Variants in PLSCR2 observed in about 807,000 individuals in gnomAD.
The protein encoded by PLSCR2 is phospholipid scramblase 2.
PLSCR2 carries 18 observed loss-of-function variants against 25.3 expected under a neutral mutation model. The observed-to-expected ratio is 0.71, with a 90% CI of 0.49 to 1.06. The LOEUF (loss-of-function observed/expected upper bound fraction) is 1.06, where lower values mean the gene tolerates loss of function less well. Ranked by LOEUF, PLSCR2 falls within the 50% of genes least tolerant of loss-of-function variation. PLSCR2 has a pLI of 0.00. For synonymous variants in PLSCR2, 88 were observed against 87.3 expected, an observed-to-expected ratio of 1.01 and a Z score of -0.04; for missense variants, 243 against 269.5, an observed-to-expected ratio of 0.90 and a Z score of 0.69.
intron 2 of PLSCR2, among the ~76,000 whole-genome samples, chr3:146,414,780 A>G (rs1190217058): frequency 6.6e-6 from 1 of 152,174 alleles, no homozygotes; most frequent in African/African-American, 2.4e-5. Flanking sequence ...CTATTAACAA[A>G]ATTTCTGAAG....
intron 1 of PLSCR2, among the ~76,000 whole-genome samples, chr3:146,476,587 C>G (rs1291304081): frequency 1.3e-5 from 2 of 152,202 alleles, no homozygotes. Flanking sequence ...GACAGCAGCC[C>G]TCACTGCAGC....
At chr3:146,416,067 C>T (rs2038997926) in intron 2 of PLSCR2, among the ~76,000 whole-genome samples, 1 of 152,144 alleles carries the variant, frequency 6.6e-6, no homozygotes, top group Admixed American at 6.5e-5. Flanking sequence ...TCTCCTGCCT[C>T]AGCCTCTTGA....
At chr3:146,431,509 C>T (rs2039544959), downstream of PLSCR2, among the ~76,000 whole-genome samples, 1 of 152,126 alleles carries the variant, frequency 6.6e-6, no homozygotes, top group Non-Finnish European at 1.5e-5. Flanking sequence ...TTCAGGATTA[C>T]ATTGAGTTGG....
At chr3:146,437,430 A>C (rs1010753971), downstream of PLSCR2, among the ~76,000 whole-genome samples, 11 of 152,138 alleles carry the variant, frequency 7.2e-5, no homozygotes, top group Non-Finnish European at 1.2e-4. Flanking sequence ...TAGGCTATTA[A>C]TTATTGCTTC....
downstream of PLSCR2, among the ~76,000 whole-genome samples, chr3:146,432,552 G>A (rs954249699): frequency 6.6e-6 from 1 of 152,124 alleles, no homozygotes; most frequent in African/African-American, 2.4e-5. Context: ...CATGCTGAAG[G>A]AAAAAATTCC....
chr3:146,441,123 T>A (rs191626740), downstream of PLSCR2, among the ~76,000 whole-genome samples: 10 of 152,250 alleles, frequency 6.6e-5, no homozygotes, highest in Admixed American at 5.9e-4. Context: ...ACGAAAACCT[T>A]ATTTATAGTA....
At chr3:146,436,123 T>C (rs1438594657) in intron 8 of PLSCR2, among the ~76,000 whole-genome samples, 1 of 152,184 alleles carries the variant, frequency 6.6e-6, no homozygotes, top group African/African-American at 2.4e-5. Context: ...TTCTGTTCCA[T>C]TGGTCTATAT....
intron 2 of PLSCR2, among the ~76,000 whole-genome samples, chr3:146,414,218 T>A (rs1451520972): frequency 9.2e-5 from 14 of 152,182 alleles, no homozygotes; most frequent in Admixed American, 9.2e-4. Flanking sequence ...CCTAATCACC[T>A]CTTAAAGGTC....
At chr3:146,439,168 T>A (rs1235663086), downstream of PLSCR2, among the ~76,000 whole-genome samples, 1 of 152,200 alleles carries the variant, frequency 6.6e-6, no homozygotes, top group African/African-American at 2.4e-5. Flanking sequence ...GGGCTTCCCT[T>A]TGTGGGTAAC....
chr3:146,477,801 G>A (rs966650655), intron 1 of PLSCR2, among the ~76,000 whole-genome samples: 11 of 152,168 alleles, frequency 7.2e-5, no homozygotes, highest in Non-Finnish European at 1.3e-4. Flanking sequence ...TCTGACCCTC[G>A]TGTAGCCTAA....
intron 2 of PLSCR2, among the ~76,000 whole-genome samples, chr3:146,407,747 A>AT (rs2038701652): frequency 6.6e-6 from 1 of 152,028 alleles, no homozygotes; most frequent in African/African-American, 2.4e-5. Flanking sequence ...AGGGTGATCA[A>AT]TTCAGCTTTT....
intron 1 of PLSCR2, among the ~76,000 whole-genome samples, chr3:146,468,559 C>T (rs373405998): frequency 1.3e-5 from 2 of 152,356 alleles, no homozygotes; most frequent in South Asian, 2.1e-4. Context: ...CTAACTTTCA[C>T]TGAGTACTTT....
chr3:146,425,200 C>T (rs2039299490), intron 2 of PLSCR2, among the ~76,000 whole-genome samples: 1 of 151,990 alleles, frequency 6.6e-6, no homozygotes, highest in African/African-American at 2.4e-5. Context: ...CAAGGGATCC[C>T]CTGAAATGAA....
At chr3:146,441,221 A>G (rs2040224569), downstream of PLSCR2, among the ~76,000 whole-genome samples, 1 of 152,066 alleles carries the variant, frequency 6.6e-6, no homozygotes. Flanking sequence ...GCTAGACTCC[A>G]TCTCAAAAAC....
At chr3:146,402,285 T>C (rs2038499563) in intron 2 of PLSCR2, among the ~76,000 whole-genome samples, 1 of 152,042 alleles carries the variant, frequency 6.6e-6, no homozygotes, top group Admixed American at 6.6e-5. Flanking sequence ...ATATGAAAAA[T>C]CATGTGGACA....
chr3:146,414,960 A>G (rs766831477), intron 2 of PLSCR2, among the ~76,000 whole-genome samples: 1 of 152,188 alleles, frequency 6.6e-6, no homozygotes, highest in Non-Finnish European at 1.5e-5. Flanking sequence ...CTATTGCTGC[A>G]TTTACCTTCT....
chr3:146,479,350 T>G (rs2043047254), intron 1 of PLSCR2, among the ~76,000 whole-genome samples: 1 of 152,090 alleles, frequency 6.6e-6, no homozygotes, highest in Non-Finnish European at 1.5e-5. Flanking sequence ...GAGACCCATC[T>G]CACGTGCAGA....
chr3:146,424,451 A>G, intron 2 of PLSCR2, among the ~76,000 whole-genome samples: 1 of 152,134 alleles, frequency 6.6e-6, no homozygotes, highest in East Asian at 1.9e-4. Flanking sequence ...ACACCAAGTA[A>G]GATTCATTTT....
chr3:146,441,771 C>G, exon 7 of PLSCR2: 2 of 1,570,774 alleles, frequency 1.3e-6, no homozygotes, highest in Non-Finnish European at 1.7e-6. Flanking sequence ...AATCCACTCC[C>G]ACACTCTGAC....
Sources: gnomAD v4.1 joint callset for allele counts (sites outside exome capture counted in the v4.1 genomes callset) on GRCh38, gnomAD v4.1.1 for gene constraint, MANE v1.5 for transcripts, NCBI Gene and HGNC (gene_info 2026-07-23, HGNC 2026-07-21) for gene names.